The following ZMYND11 variants were observed in gnomAD, a reference collection of about 807,000 sequenced individuals.
ZMYND11 encodes zinc finger MYND-type containing 11, also known as zinc finger MYND domain-containing protein 11.
ZMYND11 carries 9 observed loss-of-function variants against 84.9 expected under a neutral mutation model. That is an observed-to-expected ratio of 0.11 (90% CI 0.06 to 0.18). The LOEUF is 0.18. ZMYND11 is among the 10% of genes least tolerant of loss of function. The probability of loss-of-function intolerance (pLI) is 1.00; values close to 1 mark genes in which losing one functional copy is unlikely to be tolerated. For missense variants in ZMYND11, 409 were observed against 761.0 expected (o/e 0.54, Z 5.44); for synonymous variants, 250 against 244.1 (o/e 1.02, Z -0.23).
At chr10:189,894 A>T (rs1328005492) in intron 2 of ZMYND11, among the ~76,000 whole-genome samples, 1 of 152,142 alleles carries the variant, frequency 6.6e-6, no homozygotes, top group African/African-American at 2.4e-5. Flanking sequence ...AAGGGTACAG[A>T]AATAGTCAGG....
Position 158,984 on chromosome 10 carries a change from G to GTTTTTTTTT in ZMYND11, c.-19-21004_-19-21003insTTTTTTTTT, listed in dbSNP as rs376931420. Among the ~76,000 whole-genome samples, 183 of 39,954 alleles carry GTTTTTTTTT rather than the reference G, an allele frequency of 4.6e-3. 16 individuals are homozygous for GTTTTTTTTT. The highest frequency in any genetic ancestry group is 6.0e-3 in the East Asian group (6 of 1,006). 26.2% of individuals were successfully genotyped at this position (39,954 alleles called of 152,430 possible). ...AGATATATGATTTGCAGGGTTTTTT[G>GTTTTTTTTT]TTTTTTGTTTTTTTTTTTTTTTTTA... On this transcript the variant is annotated intron_variant, in intron 1 of 14. Coordinates refer to ENST00000381604, the MANE Select transcript of ZMYND11 (RefSeq NM_001370100.5).
chr10:154,396 T>C (rs1841184164), intron 1 of ZMYND11, among the ~76,000 whole-genome samples: 1 of 151,942 alleles, frequency 6.6e-6, no homozygotes, highest in African/African-American at 2.4e-5. Flanking sequence ...AACGGCAAAA[T>C]CACAACAAAA....
chr10:185,652 A>G (rs1190010354), intron 2 of ZMYND11, among the ~76,000 whole-genome samples: 1 of 151,440 alleles, frequency 6.6e-6, no homozygotes, highest in African/African-American at 2.4e-5. Context: ...TGTCTCTACT[A>G]AAAATACAAA....
chr10:199,909 G>C (rs1942727641), intron 2 of ZMYND11, among the ~76,000 whole-genome samples: 2 of 151,586 alleles, frequency 1.3e-5, no homozygotes, highest in Non-Finnish European at 2.9e-5. Flanking sequence ...CTGTCATCCA[G>C]GCTGGAGTGC....
chr10:249,628 G>T (rs1034076175), intron 14 of ZMYND11: 1 of 985,280 alleles, frequency 1.0e-6, no homozygotes, highest in Admixed American at 6.1e-5. Flanking sequence ...CTGCTCGCCA[G>T]TCTCATCCTC....
intron 10 of ZMYND11, among the ~76,000 whole-genome samples, 191 bp from the exon 11 acceptor site, chr10:246,575 G>A (rs1564460572): frequency 2.6e-5 from 4 of 152,050 alleles, no homozygotes; most frequent in South Asian, 2.1e-4. Flanking sequence ...AAGCCATGAC[G>A]AAGCCTAAGT....
intron 1 of ZMYND11, among the ~76,000 whole-genome samples, chr10:156,010 C>T (rs1554758794): frequency 2.6e-5 from 4 of 152,180 alleles, no homozygotes; most frequent in Non-Finnish European, 5.9e-5. Flanking sequence ...GTGCAAAAGC[C>T]TGACCATTTA....
At chr10:223,202 G>T (rs1235070366) in intron 4 of ZMYND11, among the ~76,000 whole-genome samples, 1 of 151,882 alleles carries the variant, frequency 6.6e-6, no homozygotes, top group Non-Finnish European at 1.5e-5. Context: ...GCTAATTTTT[G>T]TATTTTTAGT....
intron 1 of ZMYND11, among the ~76,000 whole-genome samples, chr10:159,314 A>G (rs1278098408): frequency 1.3e-5 from 2 of 152,076 alleles, no homozygotes; most frequent in Non-Finnish European, 2.9e-5. Flanking sequence ...GATTATTGCC[A>G]TGTTCCCCTC....
intron 6 of ZMYND11, among the ~76,000 whole-genome samples, 189 bp downstream of exon 6, chr10:237,866 T>C (rs2131699892): frequency 6.6e-6 from 1 of 152,334 alleles, no homozygotes. Context: ...TTTCATGTGC[T>C]TACTCTAATG....
rs1954018626 is a variant in ZMYND11, at chr10:254,425, A to AT, written c.*1957dup. On this transcript the variant is annotated 3_prime_UTR_variant, in exon 15 of 15. Transcript: ENST00000381604. Reference sequence around the variant, plus strand: ...TGTAAAAGTTTTAGGTAAAATTACAATTGATTGTTTTAGGAATCATTATTA... The same window carrying AT: ...TGTAAAAGTTTTAGGTAAAATTACAATTTGATTGTTTTAGGAATCATTATTA... The AT allele has an allele frequency of 6.6e-6, 1 of 152,662 alleles. No individual in the cohort carries two copies. Among genetic ancestry groups the AT allele is most frequent in the East Asian group, 1.9e-4 (1 of 5,200 alleles). 9.5% of individuals were successfully genotyped at this position (152,662 alleles called of 1,614,324 possible).
In ZMYND11 at chr10:235,353, GTTC is replaced by G. The variant is rs77332530; in HGVS notation, c.439-1480_439-1478del. On this transcript the variant is annotated intron_variant, in intron 4 of 14. Coordinates refer to ENST00000381604, the MANE Select transcript of ZMYND11 (RefSeq NM_001370100.5). ...TGTCACTCATTTTAAATTCAGTTAA[GTTC>G]TTCTGTTAGTTTTCAAACAGAGAAT... is the stretch of plus-strand genomic sequence containing the variant. Among the ~76,000 whole-genome samples the G allele has an allele frequency of 4.3e-3, 659 of 152,062 alleles. 2 individuals are homozygous for G. The highest frequency in any genetic ancestry group is 7.2e-3 in the Non-Finnish European group (487 of 67,990).
chr10:248,642 C>A, intron 13 of ZMYND11, 34 bp downstream of exon 13: 1 of 1,563,970 alleles, frequency 6.4e-7, no homozygotes, highest in South Asian at 1.2e-5. Context: ...TGCCCTGCTG[C>A]AGCCGGCACT....
chr10:176,837 A>G lies in ZMYND11; in HGVS notation c.-19-3157A>G, dbSNP rs188279524. Among the ~76,000 whole-genome samples the G allele has an allele frequency of 1.3e-3, 193 of 152,254 alleles. 2 individuals are homozygous for G. Among genetic ancestry groups the G allele is most frequent in the Non-Finnish European group, 2.3e-3 (157 of 68,002 alleles). On this transcript the variant is annotated intron_variant, in intron 1 of 14. Coordinates refer to ENST00000381604, the MANE Select transcript of ZMYND11 (RefSeq NM_001370100.5). ...AGGGGAGAACATTCCAGGGAGAGAGAACTGCATAAACAAAGAGATGGAGGT... is the reference window on the plus strand; with the variant it reads ...AGGGGAGAACATTCCAGGGAGAGAGGACTGCATAAACAAAGAGATGGAGGT...
At chr10:177,424 G>T (rs534800737) in intron 1 of ZMYND11, among the ~76,000 whole-genome samples, 1 of 152,086 alleles carries the variant, frequency 6.6e-6, no homozygotes, top group South Asian at 2.1e-4. Context: ...ACTTGATTCA[G>T]GTAGTTCTCA....
rs2130704508 is a variant in ZMYND11 at position 180,008 on chromosome 10, A to G, written c.-5A>G. On this transcript the variant is annotated 5_prime_UTR_variant, in exon 2 of 15. Transcript: ENST00000381604. ...TATTACTGCAGCTAAAGAAGTAAAC[A>G]GGTCATGGCACGTTTAACAAAAAGA... 1.9e-6 allele frequency: 3 copies of G among 1,604,556 alleles called. No homozygotes were observed. The East Asian group carries it at 6.7e-5, about 36-fold the overall frequency.
In ZMYND11 at chr10:253,605, A is replaced by T. The variant is rs1004603930; in HGVS notation, c.*1135A>T. On this transcript the variant is annotated 3_prime_UTR_variant, in exon 15 of 15. Transcript: ENST00000381604. ...GGAATGGATCGATAGTTGAATAATG[A>T]TTTTTTATACATAGATATATAAAAT... 10 of 152,690 alleles carry T rather than the reference A, an allele frequency of 6.5e-5. No homozygotes were observed. The highest frequency in any genetic ancestry group is 1.2e-4 in the Non-Finnish European group (8 of 68,054). 9.5% of individuals were successfully genotyped at this position (152,690 alleles called of 1,614,324 possible).
chr10:169,233 A>G (rs898008722), intron 1 of ZMYND11, among the ~76,000 whole-genome samples: 1 of 152,134 alleles, frequency 6.6e-6, no homozygotes, highest in Non-Finnish European at 1.5e-5. Flanking sequence ...GAAACTGTAC[A>G]GCCCTGGTGA....
At chr10:220,086 T>C (rs1047836851) in intron 3 of ZMYND11, among the ~76,000 whole-genome samples, 1 of 152,158 alleles carries the variant, frequency 6.6e-6, no homozygotes, top group African/African-American at 2.4e-5. Context: ...TTGCTGCTTA[T>C]GGAGTGAGTG....
Sources: allele counts gnomAD v4.1 joint callset (sites outside exome capture counted in the v4.1 genomes callset), GRCh38; gene constraint gnomAD v4.1.1; transcripts MANE v1.5; gene names NCBI Gene and HGNC (gene_info 2026-07-23, HGNC 2026-07-21).